The following OR10A4 variants were observed in gnomAD, a reference collection of about 807,000 sequenced individuals.
OR10A4 encodes the protein olfactory receptor 10A4.
Under a neutral mutation model 15.4 loss-of-function variants are expected in OR10A4, and 18 were observed. The ratio of observed to expected loss-of-function variants is 1.17; its 90% CI spans 0.81 to 1.74. OR10A4 has a LOEUF of 1.74. Among genes scored for constraint, OR10A4 ranks in the 40% most tolerant of loss-of-function variants. The probability of loss-of-function intolerance (pLI) is 0.00; values close to 1 mark genes in which losing one functional copy is unlikely to be tolerated. For synonymous variants in OR10A4, 161 were observed against 149.5 expected (o/e 1.08, Z -0.56); for missense variants, 455 against 372.3 (o/e 1.22, Z -1.83).
rs1157559332 is a variant in OR10A4, at chr11:6,876,817, A to G, written c.170A>G (p.Gln57Arg). 1 of 1,614,078 alleles carries G rather than the reference A, an allele frequency of 6.2e-7. No individual in the cohort carries two copies. The highest frequency in any genetic ancestry group is 2.2e-5 in the East Asian group (1 of 44,890). ...ILVTIADSAL[Q>R]SPMYFFLRNL... ...GTCACTATAGCTGACTCTGCACTAC[A>G]AAGTCCTATGTACTTCTTCCTCAGA... is the stretch of plus-strand genomic sequence containing the variant. The change falls in exon 1 of 1, where the codon CAA (glutamine) becomes CGA (arginine). Residue 57 changes from glutamine to arginine, a missense_variant. By Grantham distance (43) the Gln-to-Arg change is conservative (BLOSUM62 1). Transcript: ENST00000379829.
In OR10A4 at chr11:6,877,179, T is replaced by G; in HGVS notation, c.532T>G (p.Phe178Val). ...PFCGPNRVNH[F>V]FCDSPPVIAL... ...TTGTGGCCCCAACAGGGTGAACCAC[T>G]TCTTCTGTGACAGCCCTCCTGTTAT... Residue 178 changes from phenylalanine (F) to valine (V), a missense_variant, in exon 1 of 1, where the codon TTC (phenylalanine) becomes GTC (valine). Transcript: ENST00000379829. The G allele has an allele frequency of 6.2e-7, 1 of 1,614,242 alleles. No individual in the cohort carries two copies. The highest frequency in any genetic ancestry group is 8.5e-7 in the Non-Finnish European group (1 of 1,180,046).
In OR10A4 at chr11:6,877,508, C is replaced by T. The variant is rs767023208; in HGVS notation, c.861C>T (p.Asn287=). 3 of 1,614,000 alleles carry T rather than the reference C, an allele frequency of 1.9e-6. No homozygotes were observed. Among genetic ancestry groups the T allele is most frequent in the African/African-American group, 2.7e-5 (2 of 74,906 alleles). ...CCACAGTGGTGACTCCCATGTTGAACCCCATCATCTACAGCTCAAGGAATA... is the reference window on the plus strand; with the variant it reads ...CCACAGTGGTGACTCCCATGTTGAATCCCATCATCTACAGCTCAAGGAATA... ...LSSTVVTPML[N]PIIYSSRNKE... is the part of the protein sequence containing the mutation. The change falls in exon 1 of 1, where the codon AAC becomes AAT. Residue 287 remains asparagine, a synonymous_variant. Transcript: ENST00000379829.
rs1321037544 is a variant in OR10A4 at position 6,876,753 on chromosome 11, T to C, written c.106T>C (p.Tyr36His). Residue 36 changes from tyrosine to histidine, a missense_variant, in exon 1 of 1, where the codon TAC becomes CAC. Physicochemically the swap from Tyr to His is moderately conservative, Grantham distance 83. Coordinates refer to ENST00000379829, the MANE Select transcript of OR10A4 (RefSeq NM_207186.2). ...ALLFLLFLTI[Y>H]LVTLMGNVLI... ...ACTGTTTCTCCTTTTCTTGACCATT[T>C]ACTTGGTTACTTTAATGGGCAATGT... is the stretch of plus-strand genomic sequence containing the variant. 1.9e-6 allele frequency: 3 copies of C among 1,613,830 alleles called. No homozygotes were observed. The highest frequency in any genetic ancestry group is 1.7e-5 in the Admixed American group (1 of 60,008).
rs1848494397 is a variant in OR10A4, at chr11:6,877,090, C to T, written c.443C>T (p.Ala148Val). 4.3e-6 allele frequency: 7 copies of T among 1,614,228 alleles called. No individual in the cohort carries two copies. Among genetic ancestry groups the T allele is most frequent in the Non-Finnish European group, 5.1e-6 (6 of 1,180,044 alleles). The change falls in exon 1 of 1, where the codon GCC becomes GTC. Residue 148 changes from alanine (A) to valine (V), a missense_variant. Ala to Val is a moderately conservative substitution (Grantham distance 64). Transcript: ENST00000379829. Reference protein sequence around the residue: ...GHISCAQLAAASWFSGFSVAT... With the variant: ...GHISCAQLAAVSWFSGFSVAT... ...ATATCCTGTGCCCAGCTGGCAGCTG[C>T]CTCTTGGTTCTCAGGGTTTTCAGTG... is the stretch of plus-strand genomic sequence containing the variant.
Position 6,876,654 on chromosome 11 carries a change from T to G in OR10A4, c.7T>G (p.Trp3Gly). Residue 3 changes from tryptophan (W) to glycine (G), a missense_variant, in exon 1 of 1, where the codon TGG (tryptophan) becomes GGG (glycine). By Grantham distance (184) the Trp-to-Gly change is radical. Transcript: ENST00000379829. ...TGAAGTCCTGGGCAGAAGAATGATGTGGGAAAACTGGACAATTGTCAGTGA... is the reference window on the plus strand; with the variant it reads ...TGAAGTCCTGGGCAGAAGAATGATGGGGGAAAACTGGACAATTGTCAGTGA... MM[W>G]ENWTIVSEFV... The G allele has an allele frequency of 1.2e-6, 2 of 1,607,436 alleles. No individual in the cohort carries two copies. Among genetic ancestry groups the G allele is most frequent in the South Asian group, 2.2e-5 (2 of 89,918 alleles).
Position 6,877,617 on chromosome 11 carries a change from G to A in OR10A4, c.*22G>A, listed in dbSNP as rs763664257. The A allele has an allele frequency of 1.3e-6, 2 of 1,496,786 alleles. No homozygotes were observed. The allele number at this position is 1,496,786 out of a possible 1,614,324, so 92.7% of individuals were successfully genotyped here. On this transcript the variant is annotated 3_prime_UTR_variant, in exon 1 of 1. Coordinates refer to ENST00000379829, the MANE Select transcript of OR10A4 (RefSeq NM_207186.2). ...ATGATTGGCTTAGATGGAAACTGAA[G>A]GGGTAAAATGTAAGTACACACACAA...
chr11:6,877,013 C>T lies in OR10A4; in HGVS notation c.366C>T (p.Asp122=), dbSNP rs1483835663. 2 of 1,614,084 alleles carry T rather than the reference C, an allele frequency of 1.2e-6. No homozygotes were observed. Among genetic ancestry groups the T allele is most frequent in the African/African-American group, 1.3e-5 (1 of 74,940 alleles). ...ECCLLATMAY[D]RYVAICDPLH... is the part of the protein sequence containing the mutation. The stretch of plus-strand genomic sequence containing the variant: ...GCCTCCTGGCCACCATGGCATATGA[C>T]CGCTACGTGGCCATCTGTGACCCCT... Residue 122 remains aspartate (D), a synonymous_variant, in exon 1 of 1, where the codon GAC becomes GAT. Coordinates refer to ENST00000379829, the MANE Select transcript of OR10A4 (RefSeq NM_207186.2).
At position 6,876,817 on chromosome 11, in the gene OR10A4, A is replaced by C. The variant is rs1157559332; in HGVS notation, c.170A>C (p.Gln57Pro). The C allele has an allele frequency of 6.2e-7, 1 of 1,614,196 alleles. No individual in the cohort carries two copies. The highest frequency in any genetic ancestry group is 1.1e-5 in the South Asian group (1 of 91,084). ...GTCACTATAGCTGACTCTGCACTAC[A>C]AAGTCCTATGTACTTCTTCCTCAGA... ...ILVTIADSAL[Q>P]SPMYFFLRNL... is the part of the protein sequence containing the mutation. Residue 57 changes from glutamine to proline, a missense_variant, in exon 1 of 1, where the codon CAA becomes CCA. Coordinates refer to ENST00000379829, the MANE Select transcript of OR10A4 (RefSeq NM_207186.2).
Position 6,877,457 on chromosome 11 carries a change from G to A in OR10A4, c.810G>A (p.Glu270=). 1 of 1,614,008 alleles carries A rather than the reference G, an allele frequency of 6.2e-7. No homozygotes were observed. The highest frequency in any genetic ancestry group is 1.6e-4 in the Middle Eastern group (1 of 6,062). The change falls in exon 1 of 1, where the codon GAG becomes GAA. Residue 270 remains glutamate, a synonymous_variant. Coordinates refer to ENST00000379829, the MANE Select transcript of OR10A4 (RefSeq NM_207186.2). ...YFRPQSSASS[E]SKKLLSLSST... is the part of the protein sequence containing the mutation. Reference sequence around the variant, plus strand: ...GACCCCAATCCAGTGCCTCTTCTGAGAGCAAGAAGCTGCTGTCACTCTCTT... The same window carrying A: ...GACCCCAATCCAGTGCCTCTTCTGAAAGCAAGAAGCTGCTGTCACTCTCTT...
At position 6,877,462 on chromosome 11, in the gene OR10A4, A is replaced by G; in HGVS notation, c.815A>G (p.Lys272Arg). The G allele has an allele frequency of 6.2e-7, 1 of 1,614,004 alleles. No homozygotes were observed. Among genetic ancestry groups the G allele is most frequent in the Admixed American group, 1.7e-5 (1 of 60,012 alleles). The change falls in exon 1 of 1, where the codon AAG becomes AGG. Residue 272 changes from lysine to arginine, a missense_variant. Physicochemically the swap from Lys to Arg is conservative, Grantham distance 26. Transcript: ENST00000379829. Reference sequence around the variant, plus strand: ...CAATCCAGTGCCTCTTCTGAGAGCAAGAAGCTGCTGTCACTCTCTTCCACA... The same window carrying G: ...CAATCCAGTGCCTCTTCTGAGAGCAGGAAGCTGCTGTCACTCTCTTCCACA... ...RPQSSASSES[K>R]KLLSLSSTVV... is the part of the protein sequence containing the mutation.
In OR10A4 at chr11:6,876,843, A is replaced by C. The variant is rs1848491182; in HGVS notation, c.196A>C (p.Asn66His). The C allele has an allele frequency of 1.2e-6, 2 of 1,614,158 alleles. No homozygotes were observed. The highest frequency in any genetic ancestry group is 1.7e-6 in the Non-Finnish European group (2 of 1,180,012). The change falls in exon 1 of 1, where the codon AAC (asparagine) becomes CAC (histidine). Residue 66 changes from asparagine to histidine, a missense_variant. Physicochemically the swap from Asn to His is moderately conservative, Grantham distance 68. Coordinates refer to ENST00000379829, the MANE Select transcript of OR10A4 (RefSeq NM_207186.2). Reference sequence around the variant, plus strand: ...AAGTCCTATGTACTTCTTCCTCAGAAACTTGTCCTTCCTGGAGATAGGTTT... The same window carrying C: ...AAGTCCTATGTACTTCTTCCTCAGACACTTGTCCTTCCTGGAGATAGGTTT... The part of the protein sequence containing the change: ...LQSPMYFFLR[N>H]LSFLEIGFNL...
Position 6,876,750 on chromosome 11 carries a change from A to C in OR10A4, c.103A>C (p.Ile35Leu), listed in dbSNP as rs138261903. 1 of 1,613,952 alleles carries C rather than the reference A, an allele frequency of 6.2e-7. No homozygotes were observed. Among genetic ancestry groups the C allele is most frequent in the Non-Finnish European group, 8.5e-7 (1 of 1,179,906 alleles). ...TCTACTGTTTCTCCTTTTCTTGACC[A>C]TTTACTTGGTTACTTTAATGGGCAA... ...QALLFLLFLT[I>L]YLVTLMGNVL... The change falls in exon 1 of 1, where the codon ATT (isoleucine) becomes CTT (leucine). Residue 35 changes from isoleucine (I) to leucine (L), a missense_variant. Coordinates refer to ENST00000379829, the MANE Select transcript of OR10A4 (RefSeq NM_207186.2).
chr11:6,876,840 A>T lies in OR10A4; in HGVS notation c.193A>T (p.Arg65Ter), dbSNP rs1415949400. ...ALQSPMYFFL[R>*]NLSFLEIGFN... ...ACAAAGTCCTATGTACTTCTTCCTC[A>T]GAAACTTGTCCTTCCTGGAGATAGG... Residue 65 changes from arginine (R) to a stop codon, truncating the protein, a stop_gained, in exon 1 of 1, where the codon AGA (arginine) becomes TGA (stop). Coordinates refer to ENST00000379829, the MANE Select transcript of OR10A4 (RefSeq NM_207186.2). LOFTEE classifies it high-confidence loss of function. 1.4e-5 allele frequency: 22 copies of T among 1,614,080 alleles called. No individual in the cohort carries two copies. Among genetic ancestry groups the T allele is most frequent in the Non-Finnish European group, 1.7e-5 (20 of 1,180,040 alleles).
rs192632494 is a variant in OR10A4, at chr11:6,877,014, C to T, written c.367C>T (p.Arg123Cys). 83 of 1,614,204 alleles carry T rather than the reference C, an allele frequency of 5.1e-5. No individual in the cohort carries two copies. Among genetic ancestry groups the T allele is most frequent in the Middle Eastern group, 4.9e-4 (3 of 6,062 alleles). ...CCTCCTGGCCACCATGGCATATGAC[C>T]GCTACGTGGCCATCTGTGACCCCTT... ...CCLLATMAYD[R>C]YVAICDPLHY... Residue 123 changes from arginine to cysteine, a missense_variant, in exon 1 of 1, where the codon CGC becomes TGC. Arg to Cys is a radical substitution (Grantham distance 180). Transcript: ENST00000379829.
Position 6,877,348 on chromosome 11 carries a change from G to A in OR10A4, c.701G>A (p.Gly234Glu), listed in dbSNP as rs781202334. ...ATCTTCAGGATGCCGTCAGCTGAGGGGAAACATCAGGCATTCTCCACCTGT... is the reference window on the plus strand; with the variant it reads ...ATCTTCAGGATGCCGTCAGCTGAGGAGAAACATCAGGCATTCTCCACCTGT... ...STIFRMPSAE[G>E]KHQAFSTCSA... Residue 234 changes from glycine to glutamate, a missense_variant, in exon 1 of 1, where the codon GGG (glycine) becomes GAG (glutamate). Gly to Glu is a moderately conservative substitution (Grantham distance 98). Transcript: ENST00000379829. 4 of 1,614,042 alleles carry A rather than the reference G, an allele frequency of 2.5e-6. No individual in the cohort carries two copies. Among genetic ancestry groups the A allele is most frequent in the Admixed American group, 3.3e-5 (2 of 60,006 alleles).
At position 6,876,670 on chromosome 11, in the gene OR10A4, T is replaced by C. The variant is rs372261883; in HGVS notation, c.23T>C (p.Ile8Thr). Reference protein sequence around the residue: MMWENWTIVSEFVLVSFS... With the variant: MMWENWTTVSEFVLVSFS... Reference sequence around the variant, plus strand: ...AGAATGATGTGGGAAAACTGGACAATTGTCAGTGAATTTGTTCTCGTGAGC... The same window carrying C: ...AGAATGATGTGGGAAAACTGGACAACTGTCAGTGAATTTGTTCTCGTGAGC... Residue 8 changes from isoleucine to threonine, a missense_variant, in exon 1 of 1, where the codon ATT becomes ACT. Ile to Thr is a moderately conservative substitution (Grantham distance 89, BLOSUM62 -1). Coordinates refer to ENST00000379829, the MANE Select transcript of OR10A4 (RefSeq NM_207186.2). 2.0e-5 allele frequency: 33 copies of C among 1,612,054 alleles called. No individual in the cohort carries two copies. The highest frequency in any genetic ancestry group is 1.6e-4 in the Middle Eastern group (1 of 6,076).
At position 6,876,991 on chromosome 11, in the gene OR10A4, T is replaced by G. The variant is rs1213042110; in HGVS notation, c.344T>G (p.Leu115Arg). 6.2e-7 allele frequency: 1 copy of G among 1,614,174 alleles called. No homozygotes were observed. Among genetic ancestry groups the G allele is most frequent in the Admixed American group, 1.7e-5 (1 of 60,022 alleles). The change falls in exon 1 of 1, where the codon CTC (leucine) becomes CGC (arginine). Residue 115 changes from leucine (L) to arginine (R), a missense_variant. Coordinates refer to ENST00000379829, the MANE Select transcript of OR10A4 (RefSeq NM_207186.2). ...FFFFGAAECCLLATMAYDRYV... is the reference protein window; with the variant it reads ...FFFFGAAECCRLATMAYDRYV... ...TTTTTTGGGGCTGCTGAGTGCTGCC[T>G]CCTGGCCACCATGGCATATGACCGC... is the stretch of plus-strand genomic sequence containing the variant.
In OR10A4 at chr11:6,877,294, T is replaced by C. The variant is rs150905922; in HGVS notation, c.647T>C (p.Leu216Pro). 2 of 1,614,130 alleles carry C rather than the reference T, an allele frequency of 1.2e-6. No homozygotes were observed. The highest frequency in any genetic ancestry group is 2.7e-5 in the African/African-American group (2 of 74,950). ...LFILFPFLLI[L>P]GSYVRILSTI... ...ATTCTCTTTCCTTTCTTGCTGATCC[T>C]GGGATCCTATGTCCGCATCCTCTCC... The change falls in exon 1 of 1, where the codon CTG becomes CCG. Residue 216 changes from leucine (L) to proline (P), a missense_variant. By Grantham distance (98) the Leu-to-Pro change is moderately conservative. Transcript: ENST00000379829.
At position 6,876,773 on chromosome 11, in the gene OR10A4, C is replaced by T. The variant is rs1196972223; in HGVS notation, c.126C>T (p.Gly42=). The T allele has an allele frequency of 6.2e-7, 1 of 1,613,886 alleles. No individual in the cohort carries two copies. Among genetic ancestry groups the T allele is most frequent in the Non-Finnish European group, 8.5e-7 (1 of 1,179,738 alleles). ...CCATTTACTTGGTTACTTTAATGGGCAATGTCCTCATCATCCTGGTCACTA... is the reference window on the plus strand; with the variant it reads ...CCATTTACTTGGTTACTTTAATGGGTAATGTCCTCATCATCCTGGTCACTA... ...FLTIYLVTLM[G]NVLIILVTIA... is the part of the protein sequence containing the mutation. The change falls in exon 1 of 1, where the codon GGC becomes GGT. Residue 42 remains glycine, a synonymous_variant. Transcript: ENST00000379829.
Sources: allele counts gnomAD v4.1 joint callset, GRCh38; gene constraint gnomAD v4.1.1; transcripts MANE v1.5; gene names NCBI Gene and HGNC (gene_info 2026-07-23, HGNC 2026-07-21).